Variants in CDH8 observed in about 807,000 individuals in gnomAD.
The protein encoded by CDH8 is cadherin-8.
CDH8 carries 17 observed loss-of-function variants against 68.1 expected under a neutral mutation model. That is an observed-to-expected ratio of 0.25 (90% CI 0.17 to 0.37). The LOEUF (loss-of-function observed/expected upper bound fraction) is 0.37, where lower values mean the gene tolerates loss of function less well. CDH8 is among the 10% of genes least tolerant of loss of function. The pLI, the probability that CDH8 is intolerant of heterozygous loss-of-function variation, is 1.00. For missense variants in CDH8, 763 were observed against 999.3 expected (o/e 0.76, Z 3.19); for synonymous variants, 372 against 365.1 (o/e 1.02, Z -0.21).
intron 10 of CDH8, among the ~76,000 whole-genome samples, chr16:61,677,479 G>A (rs117681193): frequency 0.01 from 1,575 of 151,760 alleles, 11 homozygotes; most frequent in Non-Finnish European, 0.017. Context: ...AGGTCCTCTG[G>A]CCCTACTAGG....
intron 2 of CDH8, among the ~76,000 whole-genome samples, chr16:61,934,446 T>A (rs768294064): frequency 6.6e-6 from 1 of 152,266 alleles, no homozygotes; most frequent in African/African-American, 2.4e-5. Flanking sequence ...AGGGACAGTA[T>A]ACGATATTGT....
intron 2 of CDH8, among the ~76,000 whole-genome samples, chr16:61,970,770 C>T (rs1337284859): frequency 3.3e-5 from 5 of 152,182 alleles, no homozygotes; most frequent in Admixed American, 6.5e-5. Context: ...GGGCTGAGTC[C>T]CACAAGACTG....
At chr16:61,834,922 T>A (rs986234084) in intron 4 of CDH8, among the ~76,000 whole-genome samples, 6 of 151,962 alleles carry the variant, frequency 3.9e-5, no homozygotes, top group African/African-American at 1.4e-4. Context: ...GGCGTCCAAA[T>A]CTTGGTCTTT....
intron 11 of CDH8, among the ~76,000 whole-genome samples, chr16:61,654,509 G>A (rs1963396988): frequency 6.6e-6 from 1 of 152,024 alleles, no homozygotes; most frequent in Admixed American, 6.5e-5. Flanking sequence ...AAAAAAAGGA[G>A]TAAACTAGGT....
chr16:61,773,648 A>T (rs1960835947), intron 8 of CDH8, among the ~76,000 whole-genome samples: 1 of 147,756 alleles, frequency 6.8e-6, no homozygotes, highest in Admixed American at 6.9e-5. Context: ...GCTGAAACAG[A>T]CAGAGCTTCT....
intron 2 of CDH8, among the ~76,000 whole-genome samples, chr16:61,991,163 AC>A (rs1965714092): frequency 6.6e-6 from 1 of 152,164 alleles, no homozygotes; most frequent in Non-Finnish European, 1.5e-5. Context: ...CCAACTTGGC[AC>A]GTTTGGGAAT....
At chr16:61,992,373 T>C (rs1368109761) in intron 2 of CDH8, among the ~76,000 whole-genome samples, 2 of 136,340 alleles carry the variant, frequency 1.5e-5, no homozygotes, top group Non-Finnish European at 3.0e-5. Context: ...TTCTCACTCA[T>C]AGATGGGAAT....
At chr16:62,001,830 C>T (rs1451885847) in intron 2 of CDH8, among the ~76,000 whole-genome samples, 1 of 152,256 alleles carries the variant, frequency 6.6e-6, no homozygotes, top group East Asian at 1.9e-4. Context: ...CCTCGCCCTC[C>T]AAACTGGTTT....
intron 4 of CDH8, among the ~76,000 whole-genome samples, chr16:61,839,280 G>A (rs924032309): frequency 3.9e-5 from 6 of 152,044 alleles, no homozygotes; most frequent in Non-Finnish European, 7.4e-5. Flanking sequence ...AAGATAAGAC[G>A]ATGTTGTTGA....
intron 8 of CDH8, among the ~76,000 whole-genome samples, chr16:61,747,028 T>C (rs143657847): frequency 2.5e-4 from 38 of 152,174 alleles, no homozygotes; most frequent in African/African-American, 9.1e-4. Context: ...ATAAACTAGA[T>C]GTTGTTGATT....
chr16:61,759,560 T>C (rs7187701), intron 8 of CDH8, among the ~76,000 whole-genome samples: 48,918 of 151,954 alleles, frequency 0.32, 9,047 homozygotes, highest in African/African-American at 0.51. Flanking sequence ...ATCAAGGAAC[T>C]AGTAACATGT....
At chr16:61,898,843 C>T (rs1963916007) in intron 3 of CDH8, among the ~76,000 whole-genome samples, 1 of 151,668 alleles carries the variant, frequency 6.6e-6, no homozygotes, top group African/African-American at 2.4e-5. Flanking sequence ...GAGAGTGCAT[C>T]AGAGTCATTG....
At chr16:61,932,536 C>T (rs991801523) in intron 2 of CDH8, among the ~76,000 whole-genome samples, 1 of 152,098 alleles carries the variant, frequency 6.6e-6, no homozygotes, top group African/African-American at 2.4e-5. Context: ...TGACCCAGAA[C>T]TCTCTCAGGC....
At chr16:61,908,164 G>A (rs1964095546) in intron 2 of CDH8, among the ~76,000 whole-genome samples, 1 of 151,850 alleles carries the variant, frequency 6.6e-6, no homozygotes, top group African/African-American at 2.4e-5. Context: ...TAGCACTCCT[G>A]AATCAAATTA....
At chr16:61,982,256 A>G (rs565173274) in intron 2 of CDH8, among the ~76,000 whole-genome samples, 26 of 151,886 alleles carry the variant, frequency 1.7e-4, no homozygotes, top group Non-Finnish European at 3.1e-4. Context: ...GTCTCGCTCT[A>G]TCGCCCAGGC....
intron 10 of CDH8, among the ~76,000 whole-genome samples, chr16:61,668,299 C>T (rs1327968805): frequency 6.6e-6 from 1 of 151,886 alleles, no homozygotes; most frequent in Non-Finnish European, 1.5e-5. Flanking sequence ...TAGATTCAAT[C>T]ACAGTGCCCA....
At chr16:61,706,145 C>T (rs914473903) in intron 10 of CDH8, among the ~76,000 whole-genome samples, 3 of 152,158 alleles carry the variant, frequency 2.0e-5, no homozygotes, top group Non-Finnish European at 4.4e-5. Flanking sequence ...ACCACCCTGT[C>T]CTACAGAGAA....
chr16:61,876,090 T>G (rs2143087213), intron 3 of CDH8, among the ~76,000 whole-genome samples: 1 of 152,184 alleles, frequency 6.6e-6, no homozygotes, highest in African/African-American at 2.4e-5. Context: ...TTGGCCAGGA[T>G]GGTCTCAATC....
At chr16:61,780,887 C>T (rs1285396894) in intron 8 of CDH8, among the ~76,000 whole-genome samples, 1 of 152,160 alleles carries the variant, frequency 6.6e-6, no homozygotes, top group African/African-American at 2.4e-5. Context: ...ATTTATGCCA[C>T]CCCAGCTAGT....
Sources: gnomAD v4.1 joint callset for allele counts (sites outside exome capture counted in the v4.1 genomes callset) on GRCh38, gnomAD v4.1.1 for gene constraint, MANE v1.5 for transcripts, NCBI Gene and HGNC (gene_info 2026-07-23, HGNC 2026-07-21) for gene names.